Variants in ELAC2 observed in about 807,000 individuals in gnomAD.
The protein encoded by ELAC2 is zinc phosphodiesterase ELAC protein 2.
In ELAC2, 92 loss-of-function variants were observed where a neutral mutation model predicts 105.2. That is an observed-to-expected ratio of 0.87 (90% CI 0.74 to 1.04). ELAC2 has a LOEUF of 1.04. Among genes scored for constraint, ELAC2 ranks in the 50% least tolerant of loss-of-function variants. The pLI, the probability that ELAC2 is intolerant of heterozygous loss-of-function variation, is 0.00. For missense variants in ELAC2, 1,099 were observed against 1,071.7 expected (o/e 1.03, Z -0.36); for synonymous variants, 468 against 409.1 (o/e 1.14, Z -1.74).
At position 12,992,744 on chromosome 17, in the gene ELAC2, C is replaced by T; in HGVS notation, c.*74G>A. 4.5e-6 allele frequency: 7 copies of T among 1,566,798 alleles called. No individual in the cohort carries two copies. In the South Asian group the frequency reaches 5.6e-5, roughly 13 times the overall value. On this transcript the variant is annotated 3_prime_UTR_variant, in exon 24 of 24. Transcript: ENST00000338034. ...GACCGTGCTCTTCAGCTTCTACCAG[C>T]AAGGAGGGCAGATACGGGTGCGTGC... is the stretch of plus-strand genomic sequence containing the variant.
At chr17:13,013,837 C>T (rs995005552) in intron 5 of ELAC2, among the ~76,000 whole-genome samples, 2 of 152,092 alleles carry the variant, frequency 1.3e-5, no homozygotes, top group Non-Finnish European at 2.9e-5. Context: ...ACCCCCGCCC[C>T]CAACTCAAAG....
At chr17:13,003,034 T>C (rs1567755892) in intron 12 of ELAC2, among the ~76,000 whole-genome samples, 1 of 152,108 alleles carries the variant, frequency 6.6e-6, no homozygotes, top group Non-Finnish European at 1.5e-5. Context: ...AAAGATGCCT[T>C]CCAGTGACTA....
At chr17:12,993,974 A>AC in intron 22 of ELAC2, 143 bp from the exon 23 acceptor site, 2 of 1,195,522 alleles carry the variant, frequency 1.7e-6, no homozygotes, top group Non-Finnish European at 1.2e-6. Context: ...CGTAGCCAGC[A>AC]CAATCTCCCC....
intron 9 of ELAC2, 33 bp from the exon 10 acceptor site, chr17:13,005,858 T>C (rs1157003406): frequency 9.3e-6 from 15 of 1,613,998 alleles, no homozygotes; most frequent in Non-Finnish European, 1.0e-5. Context: ...CTGTGAAATG[T>C]GATTTCCTTA....
At chr17:13,016,725 A>C in intron 3 of ELAC2, 137 bp downstream of exon 3, 1 of 839,750 alleles carries the variant, frequency 1.2e-6, no homozygotes, top group Non-Finnish European at 1.8e-6. Context: ...GGTTGCAGTG[A>C]GCCAAGATCA....
At chr17:13,003,094 G>T (rs969235550) in intron 12 of ELAC2, among the ~76,000 whole-genome samples, 1 of 152,178 alleles carries the variant, frequency 6.6e-6, no homozygotes, top group Non-Finnish European at 1.5e-5. Flanking sequence ...GAAATGAAGT[G>T]AAATGAAGGG....
intron 19 of ELAC2, among the ~76,000 whole-genome samples, chr17:12,995,364 C>T (rs535065985): frequency 6.6e-6 from 1 of 152,280 alleles, no homozygotes; most frequent in African/African-American, 2.4e-5. Context: ...GCCAGCTAGC[C>T]ACACACCTGC....
rs1045914232 is a variant in ELAC2 at position 13,011,714 on chromosome 17, C to G, written c.628G>C (p.Glu210Gln). 1 of 1,614,162 alleles carries G rather than the reference C, an allele frequency of 6.2e-7. No individual in the cohort carries two copies. The highest frequency in any genetic ancestry group is 8.5e-7 in the Non-Finnish European group (1 of 1,180,028). The change falls in exon 7 of 24, where the codon GAG becomes CAG. Residue 210 changes from glutamate to glutamine, a missense_variant. Physicochemically the swap from Glu to Gln is conservative, Grantham distance 29 (BLOSUM62 2). Transcript: ENST00000338034. ...PERPLSRLSP[E>Q]RSSDSESNEN... ...TTCGACTCGGAGTCTGAAGATCGCT[C>G]TGGACTGAGCCTGCTGAGAGGCCTT...
Position 12,993,826 on chromosome 17 carries a change from G to C in ELAC2, c.2114C>G (p.Thr705Arg), listed in dbSNP as rs777484538. The C allele has an allele frequency of 6.2e-7, 1 of 1,614,190 alleles. No homozygotes were observed. Among genetic ancestry groups the C allele is most frequent in the Non-Finnish European group, 8.5e-7 (1 of 1,180,038 alleles). ...CATCCCCACGCTGATGGCTTGGGAC[G>C]TTGTGCTGCAGGTGAAGGACAGAGC... ...EEAVEKTHST[T>R]SQAISVGMRM... The change falls in exon 23 of 24, where the codon ACG becomes AGG. Residue 705 changes from threonine (T) to arginine (R), a missense_variant. Thr to Arg is a moderately conservative substitution (Grantham distance 71). Coordinates refer to ENST00000338034, the MANE Select transcript of ELAC2 (RefSeq NM_018127.7).
chr17:13,009,919 G>C (rs1464643043), intron 8 of ELAC2, among the ~76,000 whole-genome samples: 2 of 150,044 alleles, frequency 1.3e-5, no homozygotes, highest in African/African-American at 5.0e-5. Flanking sequence ...AACCTGGGAG[G>C]TGGAGGCTGC....
intron 4 of ELAC2, among the ~76,000 whole-genome samples, chr17:13,015,065 T>C (rs1017548327): frequency 6.6e-6 from 1 of 152,204 alleles, no homozygotes; most frequent in Non-Finnish European, 1.5e-5. Context: ...CAAGGTGTTT[T>C]GATTGTATTG....
At chr17:13,015,482 T>G (rs1392554412) in intron 4 of ELAC2, among the ~76,000 whole-genome samples, 1 of 152,230 alleles carries the variant, frequency 6.6e-6, no homozygotes, top group African/African-American at 2.4e-5. Context: ...TCTAATAAAG[T>G]GATTTAGTGC....
In ELAC2 at chr17:12,992,624, C is replaced by A. The variant is rs1311574730; in HGVS notation, c.*194G>T. On this transcript the variant is annotated 3_prime_UTR_variant, in exon 24 of 24. Transcript: ENST00000338034. ...CCTCCTGGCCCGCGGCTGTGCCAGG[C>A]ACCAGTCCTAAGAGGCATCTATAGA... is the stretch of plus-strand genomic sequence containing the variant. The A allele has an allele frequency of 1.6e-6, 1 of 631,864 alleles. No homozygotes were observed. The allele number at this position is 631,864 out of a possible 1,614,324, so 39.1% of individuals were successfully genotyped here.
chr17:13,015,873 C>T, intron 3 of ELAC2, 41 bp from the exon 4 acceptor site: 1 of 1,509,560 alleles, frequency 6.6e-7, no homozygotes, highest in African/African-American at 1.4e-5. Flanking sequence ...ATCAATTTGA[C>T]CTGTCGTCAC....
In ELAC2 at chr17:12,991,626, T is replaced by C. The variant is rs1359157957; in HGVS notation, c.*1192A>G. On this transcript the variant is annotated 3_prime_UTR_variant, in exon 24 of 24. Transcript: ENST00000338034. ...GTTGTCAAAAGTAACGTTATTAAAA[T>C]AGATTTATTATCCCTGAGCTTGGCA... 1.1e-5 allele frequency: 2 copies of C among 186,666 alleles called. No homozygotes were observed. The highest frequency in any genetic ancestry group is 2.0e-3 in the Middle Eastern group (1 of 504). The allele number at this position is 186,666 out of a possible 1,614,324, so 11.6% of individuals were successfully genotyped here. A position where few individuals can be genotyped will look rare whatever the true frequency, so the allele number is the denominator to read the frequency against.
At position 12,994,044 on chromosome 17, in the gene ELAC2, A is replaced by C. The variant is rs182967216; in HGVS notation, c.2109-213T>G. Among the ~76,000 whole-genome samples the C allele has an allele frequency of 4.8e-4, 73 of 152,222 alleles. 2 individuals are homozygous for C. Among genetic ancestry groups the C allele is most frequent in the African/African-American group, 1.8e-3 (73 of 41,556 alleles). On this transcript the variant is annotated intron_variant, in intron 22 of 23. Transcript: ENST00000338034. ...AAGCCCACCCTCTGTGCTGGCTGCCAAATCTGTCCATGAGGGCACCCAAGA... is the reference window on the plus strand; with the variant it reads ...AAGCCCACCCTCTGTGCTGGCTGCCCAATCTGTCCATGAGGGCACCCAAGA...
At chr17:13,003,987 T>C (rs2040972162) in intron 11 of ELAC2, 1 of 223,640 alleles carries the variant, frequency 4.5e-6, no homozygotes, top group Admixed American at 5.2e-5. Flanking sequence ...GCCACCCTGG[T>C]GTCTGCCTTC....
At position 13,005,779 on chromosome 17, in the gene ELAC2, T is replaced by C. The variant is rs2041068510; in HGVS notation, c.844A>G (p.Lys282Glu). 1 of 1,614,196 alleles carries C rather than the reference T, an allele frequency of 6.2e-7. No individual in the cohort carries two copies. Residue 282 changes from lysine (K) to glutamate (E), a missense_variant, in exon 10 of 24, where the codon AAA (lysine) becomes GAA (glutamate). Physicochemically the swap from Lys to Glu is moderately conservative, Grantham distance 56. Coordinates refer to ENST00000338034, the MANE Select transcript of ELAC2 (RefSeq NM_018127.7). Reference sequence around the variant, plus strand: ...TCTCTTCCTTCATGAGTGATGCTTTTCCCGTCCTTGACAGCAGCAATGATG... The same window carrying C: ...TCTCTTCCTTCATGAGTGATGCTTTCCCCGTCCTTGACAGCAGCAATGATG... ...APIIAAVKDG[K>E]SITHEGREIL...
Position 12,991,985 on chromosome 17 carries a change from C to T in ELAC2, c.*833G>A, listed in dbSNP as rs943714393. Reference sequence around the variant, plus strand: ...CCCGTGTGCCATTTCTCAAAACCTTCGAGGGCAAAGTGATCCTCACTCCTC... The same window carrying T: ...CCCGTGTGCCATTTCTCAAAACCTTTGAGGGCAAAGTGATCCTCACTCCTC... On this transcript the variant is annotated 3_prime_UTR_variant, in exon 24 of 24. Transcript: ENST00000338034. Among the ~76,000 whole-genome samples the T allele has an allele frequency of 1.3e-5, 2 of 152,160 alleles. No individual in the cohort carries two copies. Among genetic ancestry groups the T allele is most frequent in the African/African-American group, 4.8e-5 (2 of 41,418 alleles).
Sources: gnomAD v4.1 joint callset for allele counts (sites outside exome capture counted in the v4.1 genomes callset) on GRCh38, gnomAD v4.1.1 for gene constraint, MANE v1.5 for transcripts, NCBI Gene and HGNC (gene_info 2026-07-23, HGNC 2026-07-21) for gene names.